Variants in PC observed in about 807,000 individuals in gnomAD.
The protein encoded by PC is pyruvate carboxylase, mitochondrial.
Under a neutral mutation model 107.8 loss-of-function variants are expected in PC, and 46 were observed. That is an observed-to-expected ratio of 0.43 (90% confidence interval 0.34 to 0.55). The LOEUF (loss-of-function observed/expected upper bound fraction) is 0.55. PC is among the 20% of genes least tolerant of loss of function. The pLI is 0.04. For missense variants in PC, 1,241 were observed against 1,643.1 expected (o/e 0.76, Z 4.23); for synonymous variants, 662 against 684.7 (o/e 0.97, Z 0.52).
rs1010816428 is a variant in PC, at chr11:66,858,417, G to A, written c.1369-5034C>T. On this transcript the variant is annotated intron_variant, in intron 12 of 22. Transcript: ENST00000393960. The surrounding 1 kb of genome is among the most constrained non-coding windows in gnomAD (Gnocchi z 5.9). ...TGGGCGTGATGCAGAGGCCTCTCCC[G>A]CCCCCCTGGTGCTGAGCTTTAGCGG... 2.6e-6 allele frequency: 4 copies of A among 1,554,894 alleles called. No homozygotes were observed. Among genetic ancestry groups the A allele is most frequent in the Non-Finnish European group, 3.5e-6 (4 of 1,156,224 alleles).
chr11:66,872,882 T>C (rs948228616), intron 3 of PC, among the ~76,000 whole-genome samples: 20 of 130,798 alleles, frequency 1.5e-4, no homozygotes, highest in African/African-American at 5.6e-4. Context: ...ACTAAAAATA[T>C]AAAAATTAGC....
In PC at chr11:66,872,095, G is replaced by T. The variant is rs142378364; in HGVS notation, c.65C>A (p.Ala22Asp). 8.3e-6 allele frequency: 13 copies of T among 1,571,520 alleles called. No individual in the cohort carries two copies. ...RLLGIRRTST[A>D]PAASPNVRRL... ...CCGGACATTTGGGGAGGCAGCGGGG[G>T]CGGTGGAGGTTCGGCGGATTCCCAG... The change falls in exon 4 of 23, where the codon GCC (alanine) becomes GAC (aspartate). Residue 22 changes from alanine to aspartate, a missense_variant. Physicochemically the swap from Ala to Asp is moderately radical, Grantham distance 126. Around this residue, in one of 2 missense-constraint regions of PC, gnomAD observed 1,143 missense variants for 1,551.9 expected, o/e 0.74. Transcript: ENST00000393960.
chr11:66,849,395 G>A (rs1471444168), intron 21 of PC, 25 bp from the exon 22 acceptor site: 3 of 1,611,336 alleles, frequency 1.9e-6, no homozygotes, highest in Non-Finnish European at 2.5e-6. Context: ...TGCAGACTCA[G>A]AGCTGGACGC....
intron 3 of PC, among the ~76,000 whole-genome samples, chr11:66,902,288 T>G (rs1368631764): frequency 6.6e-6 from 1 of 152,192 alleles, no homozygotes; most frequent in Non-Finnish European, 1.5e-5. Flanking sequence ...TTCCCGGAGA[T>G]GCAGCTCTGG....
At chr11:66,899,499 C>T (rs574105671) in intron 3 of PC, among the ~76,000 whole-genome samples, 1 of 152,112 alleles carries the variant, frequency 6.6e-6, no homozygotes, top group Admixed American at 6.5e-5. Context: ...AAGCCATCCT[C>T]CTGCTTCAGC....
chr11:66,901,208 G>A (rs1047028822), intron 3 of PC, among the ~76,000 whole-genome samples: 13 of 152,160 alleles, frequency 8.5e-5, no homozygotes, highest in Admixed American at 6.5e-4. Flanking sequence ...TGGACCCAGC[G>A]GGGCTGAGCC....
At chr11:66,879,958 G>C (rs1486842477) in intron 3 of PC, among the ~76,000 whole-genome samples, 1 of 152,142 alleles carries the variant, frequency 6.6e-6, no homozygotes, top group Admixed American at 6.5e-5. Context: ...TTAGAACCTA[G>C]TTATGGCCCT....
chr11:66,886,061 T>C (rs781042026), intron 3 of PC, among the ~76,000 whole-genome samples: 16 of 151,644 alleles, frequency 1.1e-4, no homozygotes, highest in Non-Finnish European at 2.1e-4. Context: ...GCAGGCTGAG[T>C]GAGAGGCAGC....
At chr11:66,925,651 C>T (rs959929363) in intron 3 of PC, among the ~76,000 whole-genome samples, 1 of 151,526 alleles carries the variant, frequency 6.6e-6, no homozygotes, top group Non-Finnish European at 1.5e-5. Flanking sequence ...AGGCGACATA[C>T]ATCCTCCTCA....
In PC at chr11:66,858,469, T is replaced by C; in HGVS notation, c.1369-5086A>G. 2 of 1,547,692 alleles carry C rather than the reference T, an allele frequency of 1.3e-6. No homozygotes were observed. Among genetic ancestry groups the C allele is most frequent in the Non-Finnish European group, 1.7e-6 (2 of 1,153,014 alleles). ...AACCCCCTGCACTGCAACTGTGAGC[T>C]GCTGTGGCTGCGGCGGCTGGCGCGG... On this transcript the variant is annotated intron_variant, in intron 12 of 22. Coordinates refer to ENST00000393960, the MANE Select transcript of PC (RefSeq NM_001040716.2). This position sits in a 1 kb window ranked among gnomAD's most constrained non-coding sequence, Gnocchi z 5.9.
intron 11 of PC, among the ~76,000 whole-genome samples, chr11:66,864,245 C>T (rs925038961): frequency 6.6e-6 from 1 of 152,302 alleles, no homozygotes; most frequent in Non-Finnish European, 1.5e-5. Context: ...GAGAGGGGCC[C>T]GGGCAGGCAG....
At chr11:66,927,100 C>T (rs1948735448) in intron 3 of PC, among the ~76,000 whole-genome samples, 1 of 146,958 alleles carries the variant, frequency 6.8e-6, no homozygotes. Context: ...AAGCGATTCT[C>T]CCACCCTCAG....
At position 66,849,579 on chromosome 11, in the gene PC, G is replaced by T. The variant is rs1044107643; in HGVS notation, c.3147+32C>A. ...CAGAGCTCTGGGGCAGGGGGCCAGG[G>T]TGGAGTGTGGAGAAGCGCCAGAGCC... On this transcript the variant is annotated intron_variant, in intron 21 of 22. Coordinates refer to ENST00000393960, the MANE Select transcript of PC (RefSeq NM_001040716.2). 3 of 1,613,958 alleles carry T rather than the reference G, an allele frequency of 1.9e-6. No individual in the cohort carries two copies. The Admixed American group carries it at 5.0e-5, about 27-fold the overall frequency.
chr11:66,936,431 G>A (rs560343817), intron 3 of PC, among the ~76,000 whole-genome samples: 22 of 152,278 alleles, frequency 1.4e-4, no homozygotes, highest in Non-Finnish European at 2.5e-4. Flanking sequence ...ACGTCTTGAT[G>A]GTTAATGGGC....
At chr11:66,891,088 G>C (rs931182776) in intron 3 of PC, among the ~76,000 whole-genome samples, 7 of 151,746 alleles carry the variant, frequency 4.6e-5, no homozygotes, top group Non-Finnish European at 8.8e-5. Context: ...TCAGAGTCTC[G>C]CTCTGTCGCC....
chr11:66,924,215 A>AAAAG (rs1027642276), intron 3 of PC, among the ~76,000 whole-genome samples: 1 of 150,682 alleles, frequency 6.6e-6, no homozygotes, highest in African/African-American at 2.4e-5. Context: ...AAAAAAAAAA[A>AAAAG]AAAGAAAGAA....
intron 3 of PC, among the ~76,000 whole-genome samples, chr11:66,922,388 A>C (rs1415754886): frequency 2.0e-5 from 3 of 151,950 alleles, no homozygotes; most frequent in African/African-American, 7.3e-5. Context: ...CAGCTTGGCC[A>C]ACATGGTGAA....
intron 3 of PC, among the ~76,000 whole-genome samples, chr11:66,919,402 T>A (rs1312977931): frequency 6.6e-6 from 1 of 152,074 alleles, no homozygotes; most frequent in East Asian, 1.9e-4. Flanking sequence ...GGCAACAGAG[T>A]GAGACTCTGT....
At chr11:66,863,718 T>A (rs1157728814) in intron 12 of PC, 56 bp downstream of exon 12, 1 of 1,556,674 alleles carries the variant, frequency 6.4e-7, no homozygotes, top group Non-Finnish European at 8.7e-7. Flanking sequence ...AAGTGAACGG[T>A]CAGGGGGCCC....
Sources: allele counts gnomAD v4.1 joint callset (sites outside exome capture counted in the v4.1 genomes callset), GRCh38; gene constraint gnomAD v4.1.1; regional missense constraint gnomAD v4.1.1; non-coding constraint Gnocchi (gnomAD v3.1); transcripts MANE v1.5; gene names NCBI Gene and HGNC (gene_info 2026-07-23, HGNC 2026-07-21).